PCNX1: variants seen among roughly 807,000 people sequenced by gnomAD.
The protein encoded by PCNX1 is pecanex 1.
PCNX1 carries 78 observed loss-of-function variants against 242.2 expected under a neutral mutation model. The ratio of observed to expected loss-of-function variants is 0.32; its 90% CI spans 0.27 to 0.39. The LOEUF (loss-of-function observed/expected upper bound fraction) is 0.39, where lower values mean the gene tolerates loss of function less well. Among genes scored for constraint, PCNX1 ranks in the 10% least tolerant of loss-of-function variants. PCNX1 has a pLI of 1.00. For synonymous variants in PCNX1, 1,024 were observed against 1,032.9 expected, an observed-to-expected ratio of 0.99 and a Z score of 0.17; for missense variants, 2,581 against 2,856.5, an observed-to-expected ratio of 0.90 and a Z score of 2.20.
At chr14:71,089,024 G>C (rs567241430) in intron 29 of PCNX1, among the ~76,000 whole-genome samples, 168 bp from the exon 30 acceptor site, 4 of 152,088 alleles carry the variant, frequency 2.6e-5, no homozygotes, top group Non-Finnish European at 5.9e-5. Flanking sequence ...GTCCCAGGTC[G>C]GACAGGCCCT....
chr14:70,910,862 A>G (rs1310068966), intron 1 of PCNX1, among the ~76,000 whole-genome samples: 5 of 152,200 alleles, frequency 3.3e-5, no homozygotes, highest in Admixed American at 2.6e-4. Flanking sequence ...CTTTCAAGGA[A>G]CTTAAAATCT....
At chr14:70,910,209 C>CCTCCTT (rs2055826743) in intron 1 of PCNX1, among the ~76,000 whole-genome samples, 1 of 58,528 alleles carries the variant, frequency 1.7e-5, no homozygotes, top group Non-Finnish European at 3.9e-5. Context: ...TCCTCCTCGT[C>CCTCCTT]CTCCTCCTCC....
intron 12 of PCNX1, among the ~76,000 whole-genome samples, chr14:71,019,560 G>A (rs2060043168): frequency 6.6e-6 from 1 of 151,844 alleles, no homozygotes; most frequent in Non-Finnish European, 1.5e-5. Context: ...TGCCACCATG[G>A]CTGGCTAATT....
intron 5 of PCNX1, among the ~76,000 whole-genome samples, chr14:70,970,481 A>G (rs2058509157): frequency 1.3e-5 from 2 of 152,224 alleles, no homozygotes; most frequent in African/African-American, 4.8e-5. Flanking sequence ...TAATAATCTC[A>G]GAGGGGTTGG....
chr14:71,057,453 GTTTGT>G (rs2061213451), intron 25 of PCNX1, 51 bp from the exon 26 acceptor site: 1 of 1,088,600 alleles, frequency 9.2e-7, no homozygotes, highest in Non-Finnish European at 1.4e-6. Flanking sequence ...TAACAATCTT[GTTTGT>G]CAAGAGGACT....
intron 28 of PCNX1, among the ~76,000 whole-genome samples, chr14:71,078,949 CATCA>C (rs1205635149): frequency 6.6e-6 from 1 of 152,124 alleles, no homozygotes; most frequent in Non-Finnish European, 1.5e-5. Context: ...TTGCTGTACC[CATCA>C]ACCTGTCATC....
rs1226038511 is a variant in PCNX1 at position 71,076,217 on chromosome 14, C to G, written c.5135C>G (p.Ser1712Cys). Residue 1712 changes from serine to cysteine, a missense_variant, in exon 28 of 36, where the codon TCT becomes TGT. By Grantham distance (112) the Ser-to-Cys change is moderately radical. Around this residue, in one of 9 missense-constraint regions of PCNX1, gnomAD observed 298 missense variants for 480.1 expected, o/e 0.62. Transcript: ENST00000304743. Reference sequence around the variant, plus strand: ...ATCATTTATTATGTTACGACCTCGTCTAAGCTAGAGGAGTGGCTAGCTAAT... The same window carrying G: ...ATCATTTATTATGTTACGACCTCGTGTAAGCTAGAGGAGTGGCTAGCTAAT... ...KGIIYYVTTS[S>C]KLEEWLANET... The G allele has an allele frequency of 6.2e-7, 1 of 1,610,118 alleles. No homozygotes were observed. The highest frequency in any genetic ancestry group is 8.5e-7 in the Non-Finnish European group (1 of 1,177,080).
At chr14:70,962,504 GATTA>G in intron 3 of PCNX1, among the ~76,000 whole-genome samples, 173 bp downstream of exon 3, 1 of 152,138 alleles carries the variant, frequency 6.6e-6, no homozygotes, top group South Asian at 2.1e-4. Context: ...TTTTCACATT[GATTA>G]ATTACAGATT....
chr14:70,951,682 A>G (rs2140366301), intron 2 of PCNX1, among the ~76,000 whole-genome samples: 1 of 152,006 alleles, frequency 6.6e-6, no homozygotes, highest in Admixed American at 6.6e-5. Flanking sequence ...ACCTTTTTTG[A>G]TATTATTTTG....
rs1188030547 is a variant in PCNX1 at position 71,112,663 on chromosome 14, G to C, written c.*2728G>C. On this transcript the variant is annotated 3_prime_UTR_variant, in exon 36 of 36. Coordinates refer to ENST00000304743, the MANE Select transcript of PCNX1 (RefSeq NM_014982.3). ...CAGAGAATAGTGAGTGACTCGTTTA[G>C]ATTCTCTGCTTTTTTTCAGTTATGT... 6.6e-6 allele frequency: 1 copy of C among 152,002 alleles called. No individual in the cohort carries two copies. Among genetic ancestry groups the C allele is most frequent in the African/African-American group, 2.4e-5 (1 of 41,434 alleles). The allele number at this position is 152,002 out of a possible 1,614,324, so 9.4% of individuals were successfully genotyped here. A position where few individuals can be genotyped will look rare whatever the true frequency, so the allele number is the denominator to read the frequency against.
At chr14:70,964,701 C>T (rs1220986545) in intron 3 of PCNX1, among the ~76,000 whole-genome samples, 1 of 152,140 alleles carries the variant, frequency 6.6e-6, no homozygotes, top group Non-Finnish European at 1.5e-5. Flanking sequence ...GGCATCGTGT[C>T]TGTTGGAACT....
At chr14:71,027,823 C>T (rs1323351638) in intron 15 of PCNX1, among the ~76,000 whole-genome samples, 1 of 151,824 alleles carries the variant, frequency 6.6e-6, no homozygotes, top group Non-Finnish European at 1.5e-5. Flanking sequence ...ATCAGCATGG[C>T]TTAATGGGTA....
At chr14:70,985,140 T>G (rs1462305690) in intron 6 of PCNX1, among the ~76,000 whole-genome samples, 3 of 152,216 alleles carry the variant, frequency 2.0e-5, no homozygotes, top group African/African-American at 7.2e-5. Flanking sequence ...AATTGAGTGA[T>G]TGCATCAGTA....
chr14:71,058,903 T>TC (rs2061252393), intron 26 of PCNX1, among the ~76,000 whole-genome samples: 1 of 152,184 alleles, frequency 6.6e-6, no homozygotes, highest in Non-Finnish European at 1.5e-5. Flanking sequence ...GGACCTTAAC[T>TC]CCATCTCTTC....
intron 6 of PCNX1, among the ~76,000 whole-genome samples, chr14:70,987,960 T>C (rs1293114553): frequency 6.6e-6 from 1 of 152,204 alleles, no homozygotes; most frequent in African/African-American, 2.4e-5. Context: ...AGTTTGATGG[T>C]AATGAAGTAC....
chr14:70,959,797 A>T (rs1475171069), intron 2 of PCNX1, among the ~76,000 whole-genome samples: 2 of 147,694 alleles, frequency 1.4e-5, no homozygotes, highest in African/African-American at 2.5e-5. Flanking sequence ...TCCCTGAGGA[A>T]TCGCCACACT....
At chr14:71,006,097 GTGTGTC>G (rs1396167783) in intron 8 of PCNX1, among the ~76,000 whole-genome samples, 14 of 107,026 alleles carry the variant, frequency 1.3e-4, no homozygotes, top group Admixed American at 3.9e-4. Context: ...TAGTACGTGT[GTGTGTC>G]TGTGTGTGTG....
chr14:70,964,823 C>T (rs1252647381), intron 3 of PCNX1, among the ~76,000 whole-genome samples: 1 of 152,116 alleles, frequency 6.6e-6, no homozygotes, highest in Non-Finnish European at 1.5e-5. Flanking sequence ...TAAAAATGGG[C>T]AAATATTGGA....
chr14:71,046,850 A>G (rs964682308), intron 20 of PCNX1, 114 bp from the exon 21 acceptor site: 38 of 747,030 alleles, frequency 5.1e-5, no homozygotes, highest in Non-Finnish European at 7.0e-5. Flanking sequence ...TGGCTTTTTA[A>G]AAACAGTTTA....
Sources: allele counts gnomAD v4.1 joint callset (sites outside exome capture counted in the v4.1 genomes callset), GRCh38; gene constraint gnomAD v4.1.1; regional missense constraint gnomAD v4.1.1; transcripts MANE v1.5; gene names NCBI Gene and HGNC (gene_info 2026-07-23, HGNC 2026-07-21).